NEU3: variants seen among roughly 807,000 people sequenced by gnomAD.
NEU3 encodes sialidase-3.
Under a neutral mutation model 11.4 loss-of-function variants are expected in NEU3, and 10 were observed. That is an observed-to-expected ratio of 0.88 (90% confidence interval 0.54 to 1.49). NEU3 has a LOEUF of 1.49. Among genes scored for constraint, NEU3 ranks in the 40% most tolerant of loss-of-function variants. NEU3 has a pLI of 0.00. For synonymous variants in NEU3, 212 were observed against 228.2 expected (o/e 0.93, Z 0.64); for missense variants, 529 against 581.8 (o/e 0.91, Z 0.93).
intron 2 of NEU3, among the ~76,000 whole-genome samples, chr11:75,000,016 T>C (rs1264696229): frequency 6.6e-6 from 1 of 152,202 alleles, no homozygotes; most frequent in Non-Finnish European, 1.5e-5. Context: ...TGTCCTTTTT[T>C]AAAGTAGGAT....
upstream of NEU3, among the ~76,000 whole-genome samples, chr11:74,983,400 T>C (rs117775799): frequency 1.2e-4 from 18 of 152,328 alleles, no homozygotes; most frequent in East Asian, 3.3e-3. Context: ...AGTTGAAAAC[T>C]TAGTTACTCC....
chr11:75,013,018 A>T (rs1219201215), downstream of NEU3, among the ~76,000 whole-genome samples: 1 of 151,682 alleles, frequency 6.6e-6, no homozygotes, highest in Non-Finnish European at 1.5e-5. Context: ...ATTGTCTGAC[A>T]AATTACTTTA....
At chr11:74,991,769 G>A (rs962675803) in intron 1 of NEU3, among the ~76,000 whole-genome samples, 6 of 152,116 alleles carry the variant, frequency 3.9e-5, no homozygotes, top group Admixed American at 2.0e-4. Flanking sequence ...TGTCCTCTGC[G>A]CTTCTCCTTT....
chr11:74,998,068 A>G (rs1402757525), intron 2 of NEU3, among the ~76,000 whole-genome samples: 3 of 152,112 alleles, frequency 2.0e-5, no homozygotes, highest in African/African-American at 2.4e-5. Context: ...CCTAATTTCA[A>G]TGTTGTTGCA....
intron 3 of NEU3, among the ~76,000 whole-genome samples, chr11:75,016,200 T>C (rs916403003): frequency 5.9e-5 from 9 of 152,210 alleles, no homozygotes; most frequent in African/African-American, 9.6e-5. Context: ...TGGGGCTTCA[T>C]TGTACCCATC....
At chr11:75,013,848 AGT>A (rs146832945), downstream of NEU3, among the ~76,000 whole-genome samples, 2,960 of 152,314 alleles carry the variant, frequency 0.019, 68 homozygotes, top group African/African-American at 0.068. Flanking sequence ...ACAACCAGTA[AGT>A]GTGACAAAAA....
chr11:75,006,381 A>G lies in NEU3; in HGVS notation c.1275A>G (p.Gln425=), dbSNP rs1948900115. 12 of 1,614,002 alleles carry G rather than the reference A, an allele frequency of 7.4e-6. No homozygotes were observed. The East Asian group carries it at 2.7e-4, about 36-fold the overall frequency. ...GTTTGTTTGAATGTGGGACCAAGCA[A>G]GAGTGTGAGCAGATTGCCTTCCGCC... ...FGCLFECGTK[Q]ECEQIAFRLF... Residue 425 remains glutamine, a synonymous_variant, in exon 3 of 3, where the codon CAA becomes CAG. Coordinates refer to ENST00000294064, the MANE Select transcript of NEU3 (RefSeq NM_006656.6).
chr11:74,980,638 C>T, the NEU3 span, among the ~76,000 whole-genome samples: 1 of 152,220 alleles, frequency 6.6e-6, no homozygotes, highest in African/African-American at 2.4e-5. Context: ...GTATTCCTAA[C>T]AACCCAACCC....
rs1157928313 is a variant in NEU3, at chr11:74,994,918, TG to T, written c.306+199del. On this transcript the variant is annotated intron_variant, in intron 2 of 2. Coordinates refer to ENST00000294064, the MANE Select transcript of NEU3 (RefSeq NM_006656.6). ...GCACATTGGGTCCTCACAGCCATTC[TG>T]TGTCGTAGGTACTGTTTTCAGTCAT... The T allele has an allele frequency of 5.8e-6, 4 of 695,300 alleles. No homozygotes were observed. The East Asian group carries it at 1.1e-4, about 19-fold the overall frequency. The allele number at this position is 695,300 out of a possible 1,614,324, so 43.1% of individuals were successfully genotyped here. A position where few individuals can be genotyped will look rare whatever the true frequency, so the allele number is the denominator to read the frequency against.
At chr11:75,003,504 A>G (rs773627178) in intron 2 of NEU3, among the ~76,000 whole-genome samples, 1 of 152,216 alleles carries the variant, frequency 6.6e-6, no homozygotes, top group African/African-American at 2.4e-5. Context: ...AGTTTGCTGT[A>G]ACCAGAAGTC....
chr11:74,988,744 C>T (rs1948694290), upstream of NEU3: 1 of 408,736 alleles, frequency 2.4e-6, no homozygotes. Flanking sequence ...AGGGCTTGAG[C>T]TGAGTTGGCG....
chr11:74,988,636 G>A (rs1283820872), upstream of NEU3: 1 of 201,232 alleles, frequency 5.0e-6, no homozygotes, highest in African/African-American at 2.4e-5. Context: ...GCTGTCCAGG[G>A]AAGCTTTAGG....
chr11:75,006,201 A>C lies in NEU3; in HGVS notation c.1095A>C (p.Ser365=), dbSNP rs1475176055. Residue 365 remains serine, a synonymous_variant, in exon 3 of 3, where the codon TCA becomes TCC. Coordinates refer to ENST00000294064, the MANE Select transcript of NEU3 (RefSeq NM_006656.6). ...GTPSESWLLY[S]HPTSRKQRVD... is the part of the protein sequence containing the mutation. ...CGTCAGAATCATGGCTCTTGTACTC[A>C]CACCCAACCAGTAGGAAACAGAGGG... 1 of 1,613,954 alleles carries C rather than the reference A, an allele frequency of 6.2e-7. No homozygotes were observed. The highest frequency in any genetic ancestry group is 8.5e-7 in the Non-Finnish European group (1 of 1,179,888).
rs1054249926 is a variant in NEU3, at chr11:74,994,957, A to C, written c.306+237A>C. The C allele has an allele frequency of 8.1e-4, 522 of 644,758 alleles. 5 individuals are homozygous for C. Among genetic ancestry groups the C allele is most frequent in the Non-Finnish European group, 1.3e-4 (46 of 354,888 alleles). 39.9% of individuals were successfully genotyped at this position (644,758 alleles called of 1,614,324 possible). ...TGTTTTCAGTCATATTTTACAGACA[A>C]GGAAACTGAGACTCAGAGAGGTTGC... On this transcript the variant is annotated intron_variant, in intron 2 of 2. Transcript: ENST00000294064.
chr11:74,982,769 C>T, the NEU3 span, among the ~76,000 whole-genome samples: 1 of 152,120 alleles, frequency 6.6e-6, no homozygotes, highest in African/African-American at 2.4e-5. Context: ...GCCCTGAGCC[C>T]TGGGGGTGCT....
chr11:75,005,632 G>C lies in NEU3; in HGVS notation c.526G>C (p.Asp176His), dbSNP rs199646720. Residue 176 changes from aspartate to histidine, a missense_variant, in exon 3 of 3, where the codon GAC becomes CAC. Coordinates refer to ENST00000294064, the MANE Select transcript of NEU3 (RefSeq NM_006656.6). ...DAGCSWSEVR[D>H]LTEEVIGSEL... ...TGGATGTTCATGGAGTGAGGTGAGG[G>C]ACTTGACTGAGGAGGTCATTGGCTC... 6.2e-7 allele frequency: 1 copy of C among 1,614,018 alleles called. No individual in the cohort carries two copies. The highest frequency in any genetic ancestry group is 1.1e-5 in the South Asian group (1 of 91,082).
chr11:74,983,366 G>A (rs1241602429), upstream of NEU3, among the ~76,000 whole-genome samples: 1 of 152,174 alleles, frequency 6.6e-6, no homozygotes, highest in Non-Finnish European at 1.5e-5. Context: ...ACCGCAAGAG[G>A]AAAAGAAATA....
chr11:75,019,516 C>T (rs1294473559), downstream of NEU3, among the ~76,000 whole-genome samples: 1 of 152,212 alleles, frequency 6.6e-6, no homozygotes, highest in Non-Finnish European at 1.5e-5. Context: ...GCCTTGGCAG[C>T]TTCCACAGTG....
At chr11:74,986,656 T>C (rs554646954), upstream of NEU3, among the ~76,000 whole-genome samples, 1 of 152,354 alleles carries the variant, frequency 6.6e-6, no homozygotes, top group East Asian at 1.9e-4. Flanking sequence ...ATTAATATCA[T>C]TTATAACTTT....
Sources: allele counts gnomAD v4.1 joint callset (sites outside exome capture counted in the v4.1 genomes callset), GRCh38; gene constraint gnomAD v4.1.1; transcripts MANE v1.5; gene names NCBI Gene and HGNC (gene_info 2026-07-23, HGNC 2026-07-21).